The following HERC1 variants were observed in gnomAD, a reference collection of about 807,000 sequenced individuals.
HERC1 encodes probable E3 ubiquitin-protein ligase HERC1.
HERC1 carries 160 observed loss-of-function variants against 554.3 expected under a neutral mutation model. The observed-to-expected ratio is 0.29, with a 90% CI of 0.25 to 0.33. HERC1 has a LOEUF of 0.33. HERC1 is among the 10% of genes least tolerant of loss of function. The pLI is 1.00. For missense variants in HERC1, 4,919 were observed against 5,918.5 expected (o/e 0.83, Z 5.54); for synonymous variants, 2,175 against 2,131.7 (o/e 1.02, Z -0.56).
At chr15:63,652,921 A>C (rs149651001) in intron 51 of HERC1, among the ~76,000 whole-genome samples, 146 of 152,320 alleles carry the variant, frequency 9.6e-4, no homozygotes, top group African/African-American at 3.5e-3. Context: ...AAATTCTGGG[A>C]TTACAGGCAT....
intron 1 of HERC1, among the ~76,000 whole-genome samples, chr15:63,787,738 A>G (rs2076502753): frequency 6.6e-6 from 1 of 152,034 alleles, no homozygotes; most frequent in Non-Finnish European, 1.5e-5. Flanking sequence ...ATAATACAGC[A>G]AGACTCCATC....
rs57040637 is a variant in HERC1, at chr15:63,698,419, C to CA, written c.4905+308dup. Among the ~76,000 whole-genome samples, 26,175 of 80,368 alleles carry CA rather than the reference C, an allele frequency of 0.33. 3,098 individuals carry two copies. Among genetic ancestry groups the CA allele is most frequent in the African/African-American group, 0.39 (8,755 of 22,442 alleles). The allele number at this position is 80,368 out of a possible 152,430, so 52.7% of individuals were successfully genotyped here. A position where few individuals can be genotyped will look rare whatever the true frequency, so the allele number is the denominator to read the frequency against. On this transcript the variant is annotated intron_variant, in intron 26 of 77. Transcript: ENST00000443617. ...GGCAACGAGAGCGAAACTCCGTCTC[C>CA]AAAAAAAAAAAAAAAAAAGGCTCTG... is the stretch of plus-strand genomic sequence containing the variant.
chr15:63,714,545 GTTTTTTT>G (rs773905620), intron 22 of HERC1, among the ~76,000 whole-genome samples: 2 of 95,830 alleles, frequency 2.1e-5, no homozygotes, highest in Non-Finnish European at 4.1e-5. Context: ...TCCTTTTTCT[GTTTTTTT>G]TTTTTTTTTT....
At chr15:63,777,298 G>C (rs1311815403) in intron 1 of HERC1, among the ~76,000 whole-genome samples, 3 of 152,136 alleles carry the variant, frequency 2.0e-5, no homozygotes, top group East Asian at 1.9e-4. Flanking sequence ...TAAGATACTT[G>C]TAAAGTATGC....
At chr15:63,748,929 C>T (rs2075149061) in intron 10 of HERC1, among the ~76,000 whole-genome samples, 1 of 149,118 alleles carries the variant, frequency 6.7e-6, no homozygotes, top group East Asian at 1.9e-4. Context: ...AAAAATTAAC[C>T]TCCTTGATTT....
chr15:63,747,923 A>G, intron 10 of HERC1, 65 bp from the exon 11 acceptor site: 10 of 1,464,714 alleles, frequency 6.8e-6, no homozygotes, highest in Non-Finnish European at 8.2e-6. Context: ...ACGATCAAAA[A>G]CGAAAATTAA....
intron 73 of HERC1, 92 bp downstream of exon 73, chr15:63,623,633 A>AT: frequency 3.2e-6 from 4 of 1,234,378 alleles, no homozygotes; most frequent in Non-Finnish European, 4.7e-6. Flanking sequence ...TGCTACATTT[A>AT]TAAAAACATG....
At chr15:63,658,412 C>G (rs575318119) in intron 48 of HERC1, 132 bp downstream of exon 48, 1 of 671,860 alleles carries the variant, frequency 1.5e-6, no homozygotes, top group African/African-American at 1.8e-5. Flanking sequence ...ATGACTACGT[C>G]TAACATCTTT....
In HERC1 at chr15:63,733,155, A is replaced by G; in HGVS notation, c.2647-10T>C. ...TATCCAGTTGCATTCTCTAAAGAAC[A>G]ATAAAATAGGAACAAGTAACTAGCG... On this transcript the variant is annotated splice_polypyrimidine_tract_variant and intron_variant, in intron 13 of 77. Transcript: ENST00000443617. 6.3e-7 allele frequency: 1 copy of G among 1,579,140 alleles called. No homozygotes were observed. The highest frequency in any genetic ancestry group is 1.1e-5 in the South Asian group (1 of 90,296).
intron 33 of HERC1, among the ~76,000 whole-genome samples, chr15:63,687,897 G>C (rs1456078600): frequency 6.6e-6 from 1 of 152,158 alleles, no homozygotes; most frequent in Admixed American, 6.5e-5. Context: ...GAATGAGCAG[G>C]ATTACTGTGT....
intron 25 of HERC1, among the ~76,000 whole-genome samples, chr15:63,702,752 A>T (rs2072789940): frequency 6.6e-6 from 1 of 152,198 alleles, no homozygotes; most frequent in Admixed American, 6.5e-5. Context: ...ACTAAATACA[A>T]ATTTCATATT....
Position 63,637,599 on chromosome 15 carries a change from G to A in HERC1, c.12138C>T (p.Gly4046=), listed in dbSNP as rs1299520176. Residue 4046 remains glycine, a synonymous_variant, in exon 64 of 78, where the codon GGC becomes GGT. Transcript: ENST00000443617. Reference sequence around the variant, plus strand: ...TTCCTTCCCCACAAGCCAACACTGTGCCATTGGCCTGGATGACAAAGGTAC... The same window carrying A: ...TTCCTTCCCCACAAGCCAACACTGTACCATTGGCCTGGATGACAAAGGTAC... The part of the protein sequence containing the change: ...QNCTFVIQAN[G]TVLACGEGSY... 6.4e-7 allele frequency: 1 copy of A among 1,553,772 alleles called. No individual in the cohort carries two copies. Among genetic ancestry groups the A allele is most frequent in the African/African-American group, 1.4e-5 (1 of 73,276 alleles).
intron 1 of HERC1, among the ~76,000 whole-genome samples, chr15:63,817,034 C>T (rs1411337053): frequency 6.6e-6 from 1 of 151,878 alleles, no homozygotes; most frequent in East Asian, 1.9e-4. Flanking sequence ...ACAGGAAGAA[C>T]ATGTTAACTG....
In HERC1 at chr15:63,632,776, CT is replaced by C. The variant is rs1487761198; in HGVS notation, c.12728del (p.Lys4243ArgfsTer12). ...IDVLCGIGIK[K>X]VACGTQFSVA... ...CAGAAAACTGAGTTCCACAAGCAACCTTTTTTATTCCAATTCCACAAAGGAC... is the reference window on the plus strand; with the variant it reads ...CAGAAAACTGAGTTCCACAAGCAACCTTTTTATTCCAATTCCACAAAGGAC... On this transcript the variant is annotated frameshift_variant, in exon 68 of 78. Coordinates refer to ENST00000443617, the MANE Select transcript of HERC1 (RefSeq NM_003922.4). LOFTEE classifies it high-confidence loss of function. 2 of 1,569,258 alleles carry C rather than the reference CT, an allele frequency of 1.3e-6. No homozygotes were observed. Among genetic ancestry groups the C allele is most frequent in the Non-Finnish European group, 1.7e-6 (2 of 1,155,432 alleles).
chr15:63,807,119 C>T (rs1204397812), intron 1 of HERC1, among the ~76,000 whole-genome samples: 1 of 152,082 alleles, frequency 6.6e-6, no homozygotes, highest in Non-Finnish European at 1.5e-5. Flanking sequence ...ATAACACTAC[C>T]CTACTTTATA....
At chr15:63,782,075 T>C (rs188278916) in intron 1 of HERC1, among the ~76,000 whole-genome samples, 3 of 152,318 alleles carry the variant, frequency 2.0e-5, no homozygotes, top group Admixed American at 2.0e-4. Flanking sequence ...AACATAAAAG[T>C]GCAAGGTGAA....
chr15:63,686,395 T>G lies in HERC1; in HGVS notation c.6189A>C (p.Ala2063=), dbSNP rs765116705. 2 of 1,613,510 alleles carry G rather than the reference T, an allele frequency of 1.2e-6. No homozygotes were observed. Among genetic ancestry groups the G allele is most frequent in the Admixed American group, 3.3e-5 (2 of 59,928 alleles). Residue 2063 remains alanine (A), a synonymous_variant, in exon 34 of 78, where the codon GCA becomes GCC. Coordinates refer to ENST00000443617, the MANE Select transcript of HERC1 (RefSeq NM_003922.4). ...HGSGGKGYGL[A]STGVTSGCYQ... is the part of the protein sequence containing the mutation. ...AGCACCCAGAAGTTACTCCTGTAGA[T>G]GCCAATCCATATCCTTTCCCTCCAC...
At chr15:63,795,886 A>G (rs184427914) in intron 1 of HERC1, among the ~76,000 whole-genome samples, 1 of 152,372 alleles carries the variant, frequency 6.6e-6, no homozygotes, top group Non-Finnish European at 1.5e-5. Flanking sequence ...GAATCAAGGA[A>G]GCAGGAAGTT....
At chr15:63,829,358 G>A (rs1277195583) in intron 1 of HERC1, among the ~76,000 whole-genome samples, 4 of 151,680 alleles carry the variant, frequency 2.6e-5, no homozygotes, top group Non-Finnish European at 5.9e-5. Flanking sequence ...AGGAGTTCAA[G>A]GCTGCAGTAA....
Sources: gnomAD v4.1 joint callset for allele counts (sites outside exome capture counted in the v4.1 genomes callset) on GRCh38, gnomAD v4.1.1 for gene constraint, MANE v1.5 for transcripts, NCBI Gene and HGNC (gene_info 2026-07-23, HGNC 2026-07-21) for gene names.